Variants in ABLIM2 observed in about 807,000 individuals in gnomAD.
The protein encoded by ABLIM2 is actin-binding LIM protein 2.
A neutral mutation model predicts 97.7 loss-of-function variants in ABLIM2; 53 were observed. That is an observed-to-expected ratio of 0.54 (90% CI 0.44 to 0.68). ABLIM2 has a LOEUF of 0.68. Ranked by LOEUF, ABLIM2 falls within the 30% of genes least tolerant of loss-of-function variation. The pLI is 0.00. For missense variants in ABLIM2, 835 were observed against 867.2 expected (o/e 0.96, Z 0.47); for synonymous variants, 361 against 345.8 (o/e 1.04, Z -0.49).
chr4:8,003,878 T>C lies in ABLIM2; in HGVS notation c.1618+4181A>G, dbSNP rs1037351775. Among the ~76,000 whole-genome samples the C allele has an allele frequency of 2.0e-5, 3 of 152,108 alleles. No homozygotes were observed. Among genetic ancestry groups the C allele is most frequent in the Non-Finnish European group, 4.4e-5 (3 of 68,022 alleles). On this transcript the variant is annotated intron_variant, in intron 16 of 20. Transcript: ENST00000447017. This position sits in a 1 kb window ranked among gnomAD's most constrained non-coding sequence, Gnocchi z 4.2. ...CTGTGCCTGGCCCTCTTCTTCCAGT[T>C]CTGATGTCTGCATATTCCATACCTA...
chr4:8,115,961 C>A (rs747230223), intron 1 of ABLIM2, among the ~76,000 whole-genome samples: 1 of 152,178 alleles, frequency 6.6e-6, no homozygotes, highest in African/African-American at 2.4e-5. Flanking sequence ...GCCCACATGC[C>A]GCTATTCTGG....
Position 8,120,298 on chromosome 4 carries a change from G to A in ABLIM2, c.11-13661C>T, listed in dbSNP as rs1269768272. On this transcript the variant is annotated intron_variant, in intron 1 of 20. Transcript: ENST00000447017. This position sits in a 1 kb window ranked among gnomAD's most constrained non-coding sequence, Gnocchi z 5.6. ...TCCTAACCCCCGGACCTCGGCAAGT[G>A]ACTGTGTTCGGAGACGGGGCCTTCA... 1.3e-5 allele frequency among the ~76,000 whole-genome samples: 2 copies of A among 152,190 alleles called. No individual in the cohort carries two copies. The highest frequency in any genetic ancestry group is 4.8e-5 in the African/African-American group (2 of 41,440).
At chr4:7,982,026 G>A (rs1323145094) in intron 20 of ABLIM2, among the ~76,000 whole-genome samples, 1 of 152,060 alleles carries the variant, frequency 6.6e-6, no homozygotes, top group East Asian at 1.9e-4. Context: ...TCCCCTCTCT[G>A]GCCCCAGCAC....
At chr4:7,984,723 G>A (rs559448757) in intron 18 of ABLIM2, 116 bp downstream of exon 18, 34 of 1,167,162 alleles carry the variant, frequency 2.9e-5, no homozygotes, top group Middle Eastern at 2.0e-4. Context: ...GTCCCCGCCC[G>A]GCACTCCCGG....
Position 8,005,602 on chromosome 4 carries a change from C to T in ABLIM2, c.1618+2457G>A, listed in dbSNP as rs542059825. Among the ~76,000 whole-genome samples, 3 of 152,320 alleles carry T rather than the reference C, an allele frequency of 2.0e-5. No individual in the cohort carries two copies. The highest frequency in any genetic ancestry group is 1.9e-4 in the East Asian group (1 of 5,178). ...CTCAATCTCCATGTGCTCCCCTTCC[C>T]GCCTGGATTCCTCAGGAGGCCGCAG... is the stretch of plus-strand genomic sequence containing the variant. On this transcript the variant is annotated intron_variant, in intron 16 of 20. Transcript: ENST00000447017. The surrounding 1 kb of genome is among the most constrained non-coding windows in gnomAD (Gnocchi z 4.9).
Position 8,004,765 on chromosome 4 carries a change from G to A in ABLIM2, c.1618+3294C>T, listed in dbSNP as rs1343048361. 2.6e-5 allele frequency among the ~76,000 whole-genome samples: 4 copies of A among 152,134 alleles called. No homozygotes were observed. Among genetic ancestry groups the A allele is most frequent in the African/African-American group, 9.7e-5 (4 of 41,408 alleles). On this transcript the variant is annotated intron_variant, in intron 16 of 20. Transcript: ENST00000447017. The surrounding 1 kb of genome is among the most constrained non-coding windows in gnomAD (Gnocchi z 5.9). ...AGCCTCCCTTCCTGTGCAGAAATCA[G>A]GTGCACTGATAATATAAACTACTCT...
rs148694201 is a variant in ABLIM2, at chr4:7,967,884, C to G, written c.1825-781G>C. The stretch of plus-strand genomic sequence containing the variant: ...TGGCTGTGGACTGTACCCGTGGGTG[C>G]TGGCTGCATGTGTTAGTATGACCTC... On this transcript the variant is annotated intron_variant, in intron 20 of 20. Transcript: ENST00000447017. Among the ~76,000 whole-genome samples, 112 of 152,356 alleles carry G rather than the reference C, an allele frequency of 7.4e-4. 1 individual carries two copies. Among genetic ancestry groups the G allele is most frequent in the African/African-American group, 2.5e-3 (106 of 41,592 alleles).
chr4:7,983,657 T>A, intron 18 of ABLIM2, 103 bp from the exon 19 acceptor site: 2 of 1,387,824 alleles, frequency 1.4e-6, no homozygotes, highest in Non-Finnish European at 2.0e-6. Flanking sequence ...GTCTCCCCCC[T>A]GCAGTCACCT....
In ABLIM2 at chr4:7,992,955, ACG is replaced by A; in HGVS notation, c.1619-30_1619-29del. The A allele has an allele frequency of 6.2e-7, 1 of 1,607,888 alleles. No homozygotes were observed. The highest frequency in any genetic ancestry group is 8.5e-7 in the Non-Finnish European group (1 of 1,176,650). ...GAAACAGACACAGCACAGCTTTGTC[ACG>A]CGCGCAGACTCGGTGCAGCAATGGG... On this transcript the variant is annotated intron_variant, in intron 16 of 20. Transcript: ENST00000447017. This position sits in a 1 kb window ranked among gnomAD's most constrained non-coding sequence, Gnocchi z 5.7.
intron 12 of ABLIM2, among the ~76,000 whole-genome samples, chr4:8,024,016 C>T (rs112564718): frequency 6.6e-5 from 10 of 152,198 alleles, no homozygotes; most frequent in African/African-American, 2.4e-4. Flanking sequence ...TCCTCAACCA[C>T]AATCACCCTG....
intron 8 of ABLIM2, among the ~76,000 whole-genome samples, chr4:8,048,266 G>C (rs145771627): frequency 1.3e-5 from 2 of 152,316 alleles, no homozygotes; most frequent in South Asian, 2.1e-4. Context: ...ATCGCACAAA[G>C]GTGCTTGGCA....
chr4:8,127,621 C>G lies in ABLIM2; in HGVS notation c.11-20984G>C, dbSNP rs553335481. 2 of 1,289,050 alleles carry G rather than the reference C, an allele frequency of 1.6e-6. No homozygotes were observed. The highest frequency in any genetic ancestry group is 1.1e-4 in the East Asian group (2 of 18,012). 79.9% of individuals were successfully genotyped at this position (1,289,050 alleles called of 1,614,324 possible). On this transcript the variant is annotated intron_variant, in intron 1 of 20. Coordinates refer to ENST00000447017, the MANE Select transcript of ABLIM2 (RefSeq NM_001130083.2). This position sits in a 1 kb window ranked among gnomAD's most constrained non-coding sequence, Gnocchi z 7.3. ...CAGCGGGTCGGCGGCTCTCCCTCTG[C>G]GTGGCTGGGCCTGGCACCCACGGAG...
chr4:7,994,778 G>GA (rs1752051201), intron 16 of ABLIM2, among the ~76,000 whole-genome samples: 2 of 116,574 alleles, frequency 1.7e-5, no homozygotes, highest in Non-Finnish European at 4.2e-5. Flanking sequence ...CTGACTTCAT[G>GA]TCCAAAACAC....
At position 7,999,501 on chromosome 4, in the gene ABLIM2, G is replaced by A. The variant is rs756662655; in HGVS notation, c.1619-6574C>T. On this transcript the variant is annotated intron_variant, in intron 16 of 20. Coordinates refer to ENST00000447017, the MANE Select transcript of ABLIM2 (RefSeq NM_001130083.2). This position sits in a 1 kb window ranked among gnomAD's most constrained non-coding sequence, Gnocchi z 4.4. ...CAAGCGATCTGTTCAAGGTCAAACAGTTACTAACTAGAGAGGCTGAGATGA... is the reference window on the plus strand; with the variant it reads ...CAAGCGATCTGTTCAAGGTCAAACAATTACTAACTAGAGAGGCTGAGATGA... Among the ~76,000 whole-genome samples, 15 of 152,218 alleles carry A rather than the reference G, an allele frequency of 9.9e-5. No homozygotes were observed. The highest frequency in any genetic ancestry group is 1.6e-4 in the Non-Finnish European group (11 of 68,038).
chr4:7,966,870 C>CCCCCCCCCCCCG lies in ABLIM2; in HGVS notation c.*119_*120insCGGGGGGGGGGG. The CCCCCCCCCCCCG allele has an allele frequency of 4.8e-6, 1 of 206,650 alleles. No individual in the cohort carries two copies. The highest frequency in any genetic ancestry group is 7.3e-5 in the South Asian group (1 of 13,660). 12.8% of individuals were successfully genotyped at this position (206,650 alleles called of 1,614,324 possible). A position where few individuals can be genotyped will look rare whatever the true frequency, so the allele number is the denominator to read the frequency against. On this transcript the variant is annotated 3_prime_UTR_variant, in exon 21 of 21. Coordinates refer to ENST00000447017, the MANE Select transcript of ABLIM2 (RefSeq NM_001130083.2). ...CCGCACCTGCTGGGGGACCCCCTCC[C>CCCCCCCCCCCCG]GCCCACCCCATGGACACAGAGAAGC...
At position 8,046,639 on chromosome 4, in the gene ABLIM2, G is replaced by A. The variant is rs922909576; in HGVS notation, c.823-1398C>T. Among the ~76,000 whole-genome samples, 5 of 152,162 alleles carry A rather than the reference G, an allele frequency of 3.3e-5. No individual in the cohort carries two copies. Among genetic ancestry groups the A allele is most frequent in the African/African-American group, 1.2e-4 (5 of 41,442 alleles). ...CAATTCTGTCCTGCCCATTTCAGGG[G>A]CCCATCCATGCAGCGGTGCCTGCAG... On this transcript the variant is annotated intron_variant, in intron 8 of 20. Transcript: ENST00000447017. The surrounding 1 kb of genome is among the most constrained non-coding windows in gnomAD (Gnocchi z 4.4).
chr4:8,157,573 T>C (rs568132233), intron 1 of ABLIM2, among the ~76,000 whole-genome samples: 1 of 152,334 alleles, frequency 6.6e-6, no homozygotes, highest in East Asian at 1.9e-4. Flanking sequence ...GGGGAGTCCC[T>C]GGCCCTTAGC....
intron 20 of ABLIM2, among the ~76,000 whole-genome samples, chr4:7,978,614 C>T (rs1334663625): frequency 2.6e-5 from 4 of 152,160 alleles, no homozygotes; most frequent in African/African-American, 9.7e-5. Flanking sequence ...CACCATTAGA[C>T]AGCCCAGAGG....
In ABLIM2 at chr4:7,986,992, T is replaced by G. The variant is rs533906824; in HGVS notation, c.1681-2099A>C. 6.6e-6 allele frequency among the ~76,000 whole-genome samples: 1 copy of G among 152,008 alleles called. No homozygotes were observed. Among genetic ancestry groups the G allele is most frequent in the African/African-American group, 2.4e-5 (1 of 41,430 alleles). The stretch of plus-strand genomic sequence containing the variant: ...GGTCATGCAAATAATTTTTAATTTT[T>G]TATTTTAAGAGACAGAGTCTGGCTC... On this transcript the variant is annotated intron_variant, in intron 17 of 20. Transcript: ENST00000447017. The surrounding 1 kb of genome is among the most constrained non-coding windows in gnomAD (Gnocchi z 4.3).
Sources: allele counts gnomAD v4.1 joint callset (sites outside exome capture counted in the v4.1 genomes callset), GRCh38; gene constraint gnomAD v4.1.1; non-coding constraint Gnocchi (gnomAD v3.1); transcripts MANE v1.5; gene names NCBI Gene and HGNC (gene_info 2026-07-23, HGNC 2026-07-21).